The following CSNK2A2IP variants were observed in gnomAD, a reference collection of about 807,000 sequenced individuals.
CSNK2A2IP encodes the protein casein kinase II subunit alpha'-interacting protein.
At chr3:88,348,013 C>T in the CSNK2A2IP span, among the ~76,000 whole-genome samples, 67,188 of 151,618 alleles carry the variant, frequency 0.44, 16,011 homozygotes, top group South Asian at 0.62. Flanking sequence ...GCAAATACTT[C>T]CTATAAAGAC....
the CSNK2A2IP span, among the ~76,000 whole-genome samples, chr3:88,455,865 A>G: frequency 6.6e-6 from 1 of 151,448 alleles, no homozygotes; most frequent in Non-Finnish European, 1.5e-5. Context: ...TTATGAATTA[A>G]TTGATTTTTG....
the CSNK2A2IP span, among the ~76,000 whole-genome samples, chr3:88,445,409 C>T: frequency 6.6e-6 from 1 of 151,360 alleles, no homozygotes; most frequent in African/African-American, 2.4e-5. Context: ...AATCACTGCA[C>T]TCTAGCCCAG....
At chr3:88,435,486 A>G in the CSNK2A2IP span, among the ~76,000 whole-genome samples, 4 of 152,150 alleles carry the variant, frequency 2.6e-5, no homozygotes, top group Non-Finnish European at 5.9e-5. Flanking sequence ...AAGAACTTCT[A>G]TAGTTATCTA....
At chr3:88,465,746 C>A in the CSNK2A2IP span, 9 of 1,231,586 alleles carry the variant, frequency 7.3e-6, no homozygotes, top group African/African-American at 9.3e-5. Context: ...GCTCAAACAA[C>A]GTCTTCATCT....
the CSNK2A2IP span, among the ~76,000 whole-genome samples, chr3:88,438,876 G>T: frequency 6.6e-6 from 1 of 152,162 alleles, no homozygotes; most frequent in African/African-American, 2.4e-5. Context: ...GGTGGGGAAA[G>T]ATACCACATT....
the CSNK2A2IP span, among the ~76,000 whole-genome samples, chr3:88,362,634 G>A: frequency 6.6e-6 from 1 of 152,174 alleles, no homozygotes; most frequent in Non-Finnish European, 1.5e-5. Flanking sequence ...GGCTGCTCCT[G>A]ATGTTTATTC....
the CSNK2A2IP span, among the ~76,000 whole-genome samples, chr3:88,391,502 C>T: frequency 3.9e-5 from 6 of 152,206 alleles, no homozygotes; most frequent in Admixed American, 1.3e-4. Flanking sequence ...AGTTTCTAAA[C>T]GTGTATATAC....
At chr3:88,353,653 A>G in the CSNK2A2IP span, among the ~76,000 whole-genome samples, 2 of 152,312 alleles carry the variant, frequency 1.3e-5, no homozygotes, top group South Asian at 2.1e-4. Context: ...CTTGCTTTCA[A>G]GATCCCCTTA....
the CSNK2A2IP span, among the ~76,000 whole-genome samples, chr3:88,380,841 A>G: frequency 6.6e-6 from 1 of 152,220 alleles, no homozygotes; most frequent in African/African-American, 2.4e-5. Context: ...TTAGGAGGCA[A>G]ATCATTCATA....
chr3:88,391,835 T>C, the CSNK2A2IP span, among the ~76,000 whole-genome samples: 1 of 152,102 alleles, frequency 6.6e-6, no homozygotes, highest in East Asian at 1.9e-4. Context: ...GGGAAGTCAT[T>C]GTAATAATTT....
the CSNK2A2IP span, among the ~76,000 whole-genome samples, chr3:88,462,135 ATGTATT>A: frequency 8.4e-5 from 12 of 142,986 alleles, no homozygotes; most frequent in Middle Eastern, 3.7e-3. Context: ...ATATATATAT[ATGTATT>A]GTAAATTTTT....
chr3:88,418,270 A>C, the CSNK2A2IP span, among the ~76,000 whole-genome samples: 39 of 152,140 alleles, frequency 2.6e-4, 1 homozygote, highest in Admixed American at 1.7e-3. Flanking sequence ...TACTCATAAA[A>C]GTTTTCTTTT....
chr3:88,388,795 G>A, the CSNK2A2IP span, among the ~76,000 whole-genome samples: 1 of 152,024 alleles, frequency 6.6e-6, no homozygotes, highest in Non-Finnish European at 1.5e-5. Flanking sequence ...TCGAATTAAG[G>A]CTGCCTGTTT....
the CSNK2A2IP span, among the ~76,000 whole-genome samples, chr3:88,381,390 T>C: frequency 1.3e-5 from 2 of 152,142 alleles, no homozygotes; most frequent in African/African-American, 4.8e-5. Context: ...GGAGGGGCAA[T>C]GAGGCTCCTG....
the CSNK2A2IP span, among the ~76,000 whole-genome samples, chr3:88,427,400 G>T: frequency 2.6e-5 from 4 of 152,198 alleles, no homozygotes; most frequent in Non-Finnish European, 1.5e-5. Flanking sequence ...TGAGGAGAAA[G>T]TCAAGCTGGC....
At chr3:88,399,427 T>C in the CSNK2A2IP span, among the ~76,000 whole-genome samples, 1 of 152,166 alleles carries the variant, frequency 6.6e-6, no homozygotes, top group African/African-American at 2.4e-5. Flanking sequence ...AACGCCTCAC[T>C]CACTCTGCTC....
At chr3:88,428,707 T>C in the CSNK2A2IP span, among the ~76,000 whole-genome samples, 2 of 152,036 alleles carry the variant, frequency 1.3e-5, no homozygotes, top group Admixed American at 1.3e-4. Flanking sequence ...GAGAAAACAG[T>C]TTGAGGGCTG....
chr3:88,430,328 C>T, the CSNK2A2IP span, among the ~76,000 whole-genome samples: 3 of 152,050 alleles, frequency 2.0e-5, no homozygotes, highest in Non-Finnish European at 2.9e-5. Flanking sequence ...TCTATACATA[C>T]ATATGTGTAT....
chr3:88,410,891 A>T, the CSNK2A2IP span, among the ~76,000 whole-genome samples: 1 of 151,986 alleles, frequency 6.6e-6, no homozygotes, highest in Non-Finnish European at 1.5e-5. Context: ...AGCAAAACAA[A>T]CACCAATTGA....
Sources: allele counts gnomAD v4.1 joint callset (sites outside exome capture counted in the v4.1 genomes callset), GRCh38; gene constraint gnomAD v4.1.1; transcripts MANE v1.5; gene names NCBI Gene and HGNC (gene_info 2026-07-23, HGNC 2026-07-21).